Variants in PARD6G observed in about 807,000 individuals in gnomAD.
PARD6G encodes the protein par-6 family cell polarity regulator gamma.
In PARD6G, 7 loss-of-function variants were observed where a neutral mutation model predicts 10.7. The observed-to-expected ratio is 0.66, with a 90% confidence interval of 0.37 to 1.23. The LOEUF (loss-of-function observed/expected upper bound fraction) is 1.23. Among genes scored for constraint, PARD6G ranks in the 50% most tolerant of loss-of-function variants. The pLI is 0.02. For missense variants in PARD6G, 548 were observed against 571.8 expected, an observed-to-expected ratio of 0.96 and a Z score of 0.42; for synonymous variants, 287 against 269.4, an observed-to-expected ratio of 1.07 and a Z score of -0.64.
intron 1 of PARD6G, among the ~76,000 whole-genome samples, chr18:80,204,795 C>CA (rs1599863624): frequency 6.6e-6 from 1 of 151,466 alleles, no homozygotes; most frequent in Non-Finnish European, 1.5e-5. Context: ...CTAAAAGTAC[C>CA]AAAAAATGAG....
intron 1 of PARD6G, among the ~76,000 whole-genome samples, chr18:80,227,096 T>C (rs1307825099): frequency 6.6e-6 from 1 of 152,146 alleles, no homozygotes; most frequent in Non-Finnish European, 1.5e-5. Context: ...GCTAGAACTA[T>C]AAGCTCACAA....
At chr18:80,226,397 C>T (rs572577502) in intron 1 of PARD6G, among the ~76,000 whole-genome samples, 5 of 152,086 alleles carry the variant, frequency 3.3e-5, no homozygotes, top group African/African-American at 9.6e-5. Flanking sequence ...TCTCGAACTC[C>T]CGACCTCAGG....
intron 2 of PARD6G, among the ~76,000 whole-genome samples, chr18:80,163,336 G>A (rs2052713446): frequency 6.6e-6 from 1 of 152,182 alleles, no homozygotes; most frequent in Non-Finnish European, 1.5e-5. Flanking sequence ...GTGTCCATGT[G>A]TGAAACAGCC....
intron 1 of PARD6G, among the ~76,000 whole-genome samples, chr18:80,215,490 A>C (rs1278325887): frequency 6.6e-6 from 1 of 152,178 alleles, no homozygotes; most frequent in Non-Finnish European, 1.5e-5. Context: ...CAATACCACA[A>C]ATAATAGGGA....
rs765836544 is a variant in PARD6G at position 80,202,916 on chromosome 18, C to T, written c.89G>A (p.Arg30Gln). Residue 30 changes from arginine to glutamine, a missense_variant, in exon 2 of 3, where the codon CGA (arginine) becomes CAA (glutamine). Arg to Gln is a conservative substitution (Grantham distance 43). Coordinates refer to ENST00000353265, the MANE Select transcript of PARD6G (RefSeq NM_032510.4). ...CTTATGACGGTCCAGAGAGAACCTTCGGAATTCCGCCCCAAACTACAATGC... is the reference window on the plus strand; with the variant it reads ...CTTATGACGGTCCAGAGAGAACCTTTGGAATTCCGCCCCAAACTACAATGC... The part of the protein sequence containing the change: ...EVKSKFGAEF[R>Q]RFSLDRHKPG... The T allele has an allele frequency of 5.7e-6, 9 of 1,574,036 alleles. No homozygotes were observed. Among genetic ancestry groups the T allele is most frequent in the African/African-American group, 3.0e-5 (2 of 65,680 alleles).
At position 80,184,863 on chromosome 18, in the gene PARD6G, A is replaced by G. The variant is rs2052865863; in HGVS notation, c.295+17847T>C. On this transcript the variant is annotated intron_variant, in intron 2 of 2. Transcript: ENST00000353265. The surrounding 1 kb of genome is among the most constrained non-coding windows in gnomAD (Gnocchi z 4.5). ...GTGGTGAAAATGTTCTAAACTGACT[A>G]TGGCTGCACAACTCTGTGAACACAC... is the stretch of plus-strand genomic sequence containing the variant. The G allele has an allele frequency of 6.6e-6, 1 of 152,180 alleles. No homozygotes were observed. The highest frequency in any genetic ancestry group is 2.1e-4 in the South Asian group (1 of 4,826). The allele number at this position is 152,180 out of a possible 1,614,324, so 9.4% of individuals were successfully genotyped here.
intron 1 of PARD6G, among the ~76,000 whole-genome samples, chr18:80,220,067 A>C (rs971589117): frequency 6.6e-6 from 1 of 152,176 alleles, no homozygotes; most frequent in African/African-American, 2.4e-5. Flanking sequence ...TATAAAGGAA[A>C]AAGGTTTGAT....
At chr18:80,213,220 G>GA (rs1568438849) in intron 1 of PARD6G, among the ~76,000 whole-genome samples, 1 of 152,020 alleles carries the variant, frequency 6.6e-6, no homozygotes, top group Non-Finnish European at 1.5e-5. Context: ...TTTTAAAAAC[G>GA]AAAAAAAGAA....
At chr18:80,219,051 T>C (rs1375446570) in intron 1 of PARD6G, among the ~76,000 whole-genome samples, 1 of 152,220 alleles carries the variant, frequency 6.6e-6, no homozygotes, top group Non-Finnish European at 1.5e-5. Context: ...TTTTCTCTCC[T>C]AGGCCTCCAG....
chr18:80,212,693 G>A (rs1967121309), intron 1 of PARD6G, among the ~76,000 whole-genome samples: 1 of 152,104 alleles, frequency 6.6e-6, no homozygotes, highest in East Asian at 1.9e-4. Flanking sequence ...AGACTAGCCT[G>A]ACCAACATGG....
At chr18:80,212,860 G>C (rs754734468) in intron 1 of PARD6G, among the ~76,000 whole-genome samples, 1 of 150,484 alleles carries the variant, frequency 6.6e-6, no homozygotes, top group Non-Finnish European at 1.5e-5. Context: ...ACTCCAGCCT[G>C]AGCAACAGAG....
chr18:80,232,170 GC>G (rs1967364809), intron 1 of PARD6G, among the ~76,000 whole-genome samples: 1 of 145,586 alleles, frequency 6.9e-6, no homozygotes, highest in Admixed American at 6.8e-5. Context: ...GGTAGGTTCT[GC>G]CCCCGCCCCC....
chr18:80,217,606 A>G (rs1967183466), intron 1 of PARD6G, among the ~76,000 whole-genome samples: 1 of 151,934 alleles, frequency 6.6e-6, no homozygotes, highest in East Asian at 1.9e-4. Flanking sequence ...CAGTATAATA[A>G]TGAGAAACAT....
rs184293174 is a variant in PARD6G, at chr18:80,227,055, T to C, written c.72+20222A>G. On this transcript the variant is annotated intron_variant, in intron 1 of 2. Coordinates refer to ENST00000353265, the MANE Select transcript of PARD6G (RefSeq NM_032510.4). ...ACTGCAGTCTCAACCTCCCAGGCTC[T>C]AGCAATCCTCCCACCGCAGCCTCTC... Among the ~76,000 whole-genome samples, 383 of 152,250 alleles carry C rather than the reference T, an allele frequency of 2.5e-3. 4 individuals are homozygous for C. Among genetic ancestry groups the C allele is most frequent in the Non-Finnish European group, 4.0e-3 (270 of 68,012 alleles).
chr18:80,202,937 A>C lies in PARD6G; in HGVS notation c.73-5T>G. 1.5e-6 allele frequency: 1 copy of C among 674,444 alleles called. No individual in the cohort carries two copies. Among genetic ancestry groups the C allele is most frequent in the African/African-American group, 2.2e-5 (1 of 44,500 alleles). The allele number at this position is 674,444 out of a possible 1,614,324, so 41.8% of individuals were successfully genotyped here. ...CCTTCGGAATTCCGCCCCAAACTAC[A>C]ATGCAAGAGACGGGGTGGGGGGAGG... On this transcript the variant is annotated splice_polypyrimidine_tract_variant and splice_region_variant and intron_variant, in intron 1 of 2. Transcript: ENST00000353265.
Position 80,183,693 on chromosome 18 carries a change from T to C in PARD6G, c.295+19017A>G, listed in dbSNP as rs2052859261. The C allele has an allele frequency of 6.6e-6, 1 of 152,576 alleles. No individual in the cohort carries two copies. The highest frequency in any genetic ancestry group is 2.1e-4 in the South Asian group (1 of 4,832). 9.5% of individuals were successfully genotyped at this position (152,576 alleles called of 1,614,324 possible). ...CCCAGACCACAAAGGTGTATGGACT[T>C]AGCAAAACCAGTCATAATGATTTTT... On this transcript the variant is annotated intron_variant, in intron 2 of 2. Transcript: ENST00000353265. The surrounding 1 kb of genome is among the most constrained non-coding windows in gnomAD (Gnocchi z 4.5).
rs1362667163 is a variant in PARD6G at position 80,168,934 on chromosome 18, A to G, written c.296-8328T>C. 5 of 161,752 alleles carry G rather than the reference A, an allele frequency of 3.1e-5. No individual in the cohort carries two copies. The Admixed American group carries it at 3.4e-4, about 11-fold the overall frequency. The allele number at this position is 161,752 out of a possible 1,614,324, so 10.0% of individuals were successfully genotyped here. On this transcript the variant is annotated intron_variant, in intron 2 of 2. Transcript: ENST00000353265. ...TCTTACAAATAACCCCTTCTGTTACATAAGGGCTTGACCTGATTTATTAAA... is the reference window on the plus strand; with the variant it reads ...TCTTACAAATAACCCCTTCTGTTACGTAAGGGCTTGACCTGATTTATTAAA...
chr18:80,197,718 C>A (rs1219720952), intron 2 of PARD6G: 1 of 152,016 alleles, frequency 6.6e-6, no homozygotes, highest in Non-Finnish European at 1.5e-5. Flanking sequence ...ACTGTTTGCA[C>A]TTCCTGTTTA....
intron 1 of PARD6G, among the ~76,000 whole-genome samples, chr18:80,205,739 G>C (rs1408500866): frequency 6.6e-6 from 1 of 152,166 alleles, no homozygotes; most frequent in Non-Finnish European, 1.5e-5. Flanking sequence ...GTGGAACCGT[G>C]AGCCAATTAA....
Sources: allele counts gnomAD v4.1 joint callset (sites outside exome capture counted in the v4.1 genomes callset), GRCh38; gene constraint gnomAD v4.1.1; non-coding constraint Gnocchi (gnomAD v3.1); transcripts MANE v1.5; gene names NCBI Gene and HGNC (gene_info 2026-07-23, HGNC 2026-07-21).